CCN1: variants seen among roughly 807,000 people sequenced by gnomAD.
CCN1 encodes the protein CCN family member 1.
Under a neutral mutation model 38.1 loss-of-function variants are expected in CCN1, and 12 were observed. The ratio of observed to expected loss-of-function variants is 0.31; its 90% CI spans 0.20 to 0.51. The LOEUF is 0.51. Among genes scored for constraint, CCN1 ranks in the 20% least tolerant of loss-of-function variants. The pLI, the probability that CCN1 is intolerant of heterozygous loss-of-function variation, is 0.97. For synonymous variants in CCN1, 202 were observed against 196.1 expected (o/e 1.03, Z -0.25); for missense variants, 466 against 490.9 (o/e 0.95, Z 0.48).
At position 85,582,856 on chromosome 1, in the gene CCN1, C is replaced by T. The variant is rs1168140607; in HGVS notation, c.960C>T (p.Gly320=). 1.2e-6 allele frequency: 2 copies of T among 1,614,160 alleles called. No homozygotes were observed. The highest frequency in any genetic ancestry group is 1.7e-6 in the Non-Finnish European group (2 of 1,180,036). The change falls in exon 5 of 5, where the codon GGC becomes GGT. Residue 320 remains glycine, a synonymous_variant. Transcript: ENST00000451137. ...RPKYCGSCVD[G]RCCTPQLTRT... ...AGTACTGCGGTTCCTGCGTGGACGGCCGATGCTGCACGCCCCAGCTGACCA... is the reference window on the plus strand; with the variant it reads ...AGTACTGCGGTTCCTGCGTGGACGGTCGATGCTGCACGCCCCAGCTGACCA...
chr1:85,581,802 C>G, intron 2 of CCN1, 126 bp from the exon 3 acceptor site: 1 of 1,185,638 alleles, frequency 8.4e-7, no homozygotes, highest in South Asian at 1.3e-5. Context: ...CTGGAGTCTC[C>G]GGGGAATTGT....
At chr1:85,581,708 G>A in intron 2 of CCN1, 130 bp downstream of exon 2, 1 of 1,259,918 alleles carries the variant, frequency 7.9e-7, no homozygotes, top group Non-Finnish European at 1.1e-6. Flanking sequence ...CATGATTTCA[G>A]CAGTCTGGAA....
rs75947336 is a variant in CCN1 at position 85,582,584 on chromosome 1, A to G, written c.803A>G (p.Glu268Gly). ...CRLVKETRIC[E>G]VRPCGQPVYS... ...CTTGTGAAAGAAACCCGGATTTGTGAGGTGCGGCCTTGTGGACAGCCAGTG... is the reference window on the plus strand; with the variant it reads ...CTTGTGAAAGAAACCCGGATTTGTGGGGTGCGGCCTTGTGGACAGCCAGTG... The change falls in exon 4 of 5, where the codon GAG becomes GGG. Residue 268 changes from glutamate (E) to glycine (G), a missense_variant. By Grantham distance (98) the Glu-to-Gly change is moderately conservative. This residue lies in a region of CCN1 where 309 missense variants were observed against 319.9 expected (regional missense o/e 0.97). Coordinates refer to ENST00000451137, the MANE Select transcript of CCN1 (RefSeq NM_001554.5). 6.2e-7 allele frequency: 1 copy of G among 1,614,162 alleles called. No homozygotes were observed.
intron 4 of CCN1, 33 bp from the exon 5 acceptor site, chr1:85,582,707 C>T: frequency 6.2e-7 from 1 of 1,612,250 alleles, no homozygotes. Context: ...AGAAATATCA[C>T]CCCTAACTTT....
chr1:85,581,046 T>C lies in CCN1; in HGVS notation c.62T>C (p.Leu21Pro). 1 of 1,610,044 alleles carries C rather than the reference T, an allele frequency of 6.2e-7. No individual in the cohort carries two copies. The highest frequency in any genetic ancestry group is 2.2e-5 in the East Asian group (1 of 44,494). Reference sequence around the variant, plus strand: ...GTCACCCTTCTCCACTTGACCAGGCTGGTGAGTTGGACTCTCCTTTTGCCA... The same window carrying C: ...GTCACCCTTCTCCACTTGACCAGGCCGGTGAGTTGGACTCTCCTTTTGCCA... Reference protein sequence around the residue: ...LVVTLLHLTRLALSTCPAACH... With the variant: ...LVVTLLHLTRPALSTCPAACH... The change falls in exon 1 of 5, where the codon CTG (leucine) becomes CCG (proline). Residue 21 changes from leucine (L) to proline (P), a missense_variant and splice_region_variant. Around this residue, in one of 3 missense-constraint regions of CCN1, gnomAD observed 146 missense variants for 141.1 expected, o/e 1.03. Transcript: ENST00000451137.
At chr1:85,581,727 A>T in intron 2 of CCN1, 149 bp downstream of exon 2, 2 of 1,164,986 alleles carry the variant, frequency 1.7e-6, no homozygotes, top group Non-Finnish European at 2.5e-6. Context: ...AATGCAATTC[A>T]GTGTGTCTGG....
intron 4 of CCN1, 29 bp downstream of exon 4, chr1:85,582,653 T>C (rs746322786): frequency 3.1e-6 from 5 of 1,613,678 alleles, no homozygotes; most frequent in Non-Finnish European, 4.2e-6. Context: ...GTGTAGACTG[T>C]TGCCTGGCAG....
intron 2 of CCN1, 90 bp downstream of exon 2, chr1:85,581,668 C>G: frequency 6.9e-7 from 1 of 1,456,072 alleles, no homozygotes; most frequent in Non-Finnish European, 9.4e-7. Context: ...TATGGTGATG[C>G]TTTGTTGTTG....
intron 1 of CCN1, 145 bp from the exon 2 acceptor site, chr1:85,581,220 G>GC: frequency 8.6e-7 from 1 of 1,168,870 alleles, no homozygotes; most frequent in Admixed American, 2.7e-5. Context: ...CTCTTGGTGG[G>GC]AGCAGCCTTC....
At chr1:85,582,316 A>G in intron 3 of CCN1, 32 bp downstream of exon 3, 1 of 1,613,212 alleles carries the variant, frequency 6.2e-7, no homozygotes, top group Non-Finnish European at 8.5e-7. Context: ...CAGACACTGT[A>G]CTGAGATGCA....
In CCN1 at chr1:85,581,565, G is replaced by T; in HGVS notation, c.264G>T (p.Lys88Asn). 6.2e-7 allele frequency: 1 copy of T among 1,613,950 alleles called. No homozygotes were observed. The highest frequency in any genetic ancestry group is 8.5e-7 in the Non-Finnish European group (1 of 1,179,974). The part of the protein sequence containing the change: ...CNFGASSTAL[K>N]GICRAQSEGR... ...TCGGCGCCAGCTCCACCGCTCTGAA[G>T]GGGATCTGCAGAGGTAAGATGCTTG... Residue 88 changes from lysine to asparagine, a missense_variant, in exon 2 of 5, where the codon AAG becomes AAT. Lys to Asn is a moderately conservative substitution (Grantham distance 94). This residue lies in a region of CCN1 where 146 missense variants were observed against 141.1 expected (regional missense o/e 1.03). Transcript: ENST00000451137.
At position 85,580,922 on chromosome 1, in the gene CCN1, T is replaced by C. The variant is rs908868654; in HGVS notation, c.-63T>C. On this transcript the variant is annotated 5_prime_UTR_variant, in exon 1 of 5. Coordinates refer to ENST00000451137, the MANE Select transcript of CCN1 (RefSeq NM_001554.5). ...ACCCCGCTGCGCACGGCCTGTCCGC[T>C]GCACACCAGCTTGTTGGCGTCTTCG... 15 of 1,481,258 alleles carry C rather than the reference T, an allele frequency of 1.0e-5. No individual in the cohort carries two copies. The highest frequency in any genetic ancestry group is 1.3e-5 in the Non-Finnish European group (15 of 1,115,924). 91.8% of individuals were successfully genotyped at this position (1,481,258 alleles called of 1,614,324 possible). A position where few individuals can be genotyped will look rare whatever the true frequency, so the allele number is the denominator to read the frequency against.
Position 85,580,958 on chromosome 1 carries a change from C to T in CCN1, c.-27C>T, listed in dbSNP as rs749094841. 1.0e-5 allele frequency: 16 copies of T among 1,559,134 alleles called. No homozygotes were observed. In the African/African-American group the frequency reaches 1.8e-4, roughly 18 times the overall value. Reference sequence around the variant, plus strand: ...TTGTTGGCGTCTTCGTCGCCGCGCTCGCCCCGGGCTACTCCTGCGCGCCAC... The same window carrying T: ...TTGTTGGCGTCTTCGTCGCCGCGCTTGCCCCGGGCTACTCCTGCGCGCCAC... On this transcript the variant is annotated 5_prime_UTR_variant, in exon 1 of 5. Transcript: ENST00000451137.
Position 85,583,064 on chromosome 1 carries a change from C to A in CCN1, c.*22C>A. ...CTAAATGCTACCTGGGTTTCCAGGG[C>A]ACACCTAGACAAACAAGGGAGAAGA... On this transcript the variant is annotated 3_prime_UTR_variant, in exon 5 of 5. Transcript: ENST00000451137. 1 of 1,593,538 alleles carries A rather than the reference C, an allele frequency of 6.3e-7. No individual in the cohort carries two copies. The highest frequency in any genetic ancestry group is 8.6e-7 in the Non-Finnish European group (1 of 1,165,440).
intron 1 of CCN1, 21 bp downstream of exon 1, chr1:85,581,068 G>A: frequency 6.2e-7 from 1 of 1,603,842 alleles, no homozygotes; most frequent in Non-Finnish European, 8.5e-7. Flanking sequence ...CTCTCCTTTT[G>A]CCACCTATTC....
rs1659787477 is a variant in CCN1 at position 85,581,351 on chromosome 1, T to C, written c.64-14T>C. On this transcript the variant is annotated splice_polypyrimidine_tract_variant and intron_variant, in intron 1 of 4. Transcript: ENST00000451137. ...ACCGCGCCGAGTCTCACGCGTATCT[T>C]CTCCCCCTTCCAGGCGCTCTCCACC... The C allele has an allele frequency of 6.4e-7, 1 of 1,563,392 alleles. No individual in the cohort carries two copies. Among genetic ancestry groups the C allele is most frequent in the Admixed American group, 1.8e-5 (1 of 55,280 alleles).
intron 2 of CCN1, 61 bp from the exon 3 acceptor site, chr1:85,581,867 G>A (rs1484751189): frequency 6.6e-7 from 1 of 1,506,060 alleles, no homozygotes; most frequent in Admixed American, 1.7e-5. Context: ...TGAGTTTCAG[G>A]CGGTGGTTTG....
In CCN1 at chr1:85,581,650, A is replaced by T. The variant is rs182829412; in HGVS notation, c.277+72A>T. The T allele has an allele frequency of 4.5e-5, 68 of 1,521,744 alleles. 1 individual carries two copies. The African/African-American group carries it at 8.5e-4, about 19-fold the overall frequency. 94.3% of individuals were successfully genotyped at this position (1,521,744 alleles called of 1,614,324 possible). On this transcript the variant is annotated intron_variant, in intron 2 of 4. Transcript: ENST00000451137. Reference sequence around the variant, plus strand: ...ATAGTCCAGAAGTTTAGTAATTCTGAGACCATGTATGGTGATGCTTTGTTG... The same window carrying T: ...ATAGTCCAGAAGTTTAGTAATTCTGTGACCATGTATGGTGATGCTTTGTTG...
chr1:85,581,175 G>A, intron 1 of CCN1, 128 bp downstream of exon 1: 2 of 1,263,070 alleles, frequency 1.6e-6, no homozygotes, highest in Admixed American at 2.6e-5. Context: ...GTTTCTTTAA[G>A]CACTCTCCCC....
Sources: gnomAD v4.1 joint callset for allele counts on GRCh38, gnomAD v4.1.1 for gene constraint, gnomAD v4.1.1 regional missense constraint, MANE v1.5 for transcripts, NCBI Gene and HGNC (gene_info 2026-07-23, HGNC 2026-07-21) for gene names.